The following TRARG1 variants were observed in gnomAD, a reference collection of about 807,000 sequenced individuals.
The protein encoded by TRARG1 is trafficking regulator of GLUT4 (SLC2A4) 1 (gene/pseudogene), also known as trafficking regulator of GLUT4 1.
A neutral mutation model predicts 13.3 loss-of-function variants in TRARG1; 16 were observed. That is an observed-to-expected ratio of 1.20 (90% CI 0.81 to 1.83). The LOEUF is 1.83. Ranked by LOEUF, TRARG1 falls within the 40% of genes most tolerant of loss-of-function variation. The probability of loss-of-function intolerance (pLI) is 0.00; values close to 1 mark genes in which losing one functional copy is unlikely to be tolerated. For synonymous variants in TRARG1, 113 were observed against 106.2 expected, an observed-to-expected ratio of 1.06 and a Z score of -0.39; for missense variants, 250 against 237.4, an observed-to-expected ratio of 1.05 and a Z score of -0.35.
At chr17:1,298,137 T>G (rs1158960230) in intron 2 of TRARG1, 114 bp from the exon 3 acceptor site, 1 of 1,308,182 alleles carries the variant, frequency 7.6e-7, no homozygotes, top group African/African-American at 1.5e-5. Flanking sequence ...CCTTCTCCCC[T>G]TATCCCTATT....
In TRARG1 at chr17:1,295,266, G is replaced by C. The variant is rs2072102526; in HGVS notation, c.388-225G>C. Among the ~76,000 whole-genome samples, 2 of 152,228 alleles carry C rather than the reference G, an allele frequency of 1.3e-5. 1 individual carries two copies. Among genetic ancestry groups the C allele is most frequent in the South Asian group, 4.1e-4 (2 of 4,830 alleles). ...GCTTTGCTGGGTTCTGCTCCCAGCTGTCCCCAGCTGGTGAGGGACAGGCGT... is the reference window on the plus strand; with the variant it reads ...GCTTTGCTGGGTTCTGCTCCCAGCTCTCCCCAGCTGGTGAGGGACAGGCGT... On this transcript the variant is annotated intron_variant, in intron 1 of 2. Coordinates refer to ENST00000333813, the MANE Select transcript of TRARG1 (RefSeq NM_172367.3).
chr17:1,289,503 G>A (rs373678706), intron 1 of TRARG1, among the ~76,000 whole-genome samples: 30 of 145,490 alleles, frequency 2.1e-4, no homozygotes, highest in Admixed American at 9.1e-4. Flanking sequence ...CAGCATTGCC[G>A]ATAGTTCCAT....
intron 2 of TRARG1, among the ~76,000 whole-genome samples, chr17:1,297,685 CCT>C (rs2072122447): frequency 6.7e-6 from 1 of 150,262 alleles, no homozygotes; most frequent in Admixed American, 6.7e-5. Flanking sequence ...CTCACTGCAA[CCT>C]CTGTCTCCCA....
rs544336969 is a variant in TRARG1 at position 1,282,721 on chromosome 17, G to C, written c.387+2333G>C. 1.1e-4 allele frequency among the ~76,000 whole-genome samples: 16 copies of C among 151,448 alleles called. No homozygotes were observed. The South Asian group carries it at 3.1e-3, about 30-fold the overall frequency. On this transcript the variant is annotated intron_variant, in intron 1 of 2. Coordinates refer to ENST00000333813, the MANE Select transcript of TRARG1 (RefSeq NM_172367.3). ...TTTGTTTTATTTGAAACGGAGCCTC[G>C]CTCTGTCGCCCAGGCTGGAGTGCAA...
At chr17:1,284,417 A>C (rs1041121174) in intron 1 of TRARG1, among the ~76,000 whole-genome samples, 1 of 152,174 alleles carries the variant, frequency 6.6e-6, no homozygotes, top group Admixed American at 6.6e-5. Context: ...TTGCTGGATC[A>C]GTCTGGGGCA....
rs555184764 is a variant in TRARG1, at chr17:1,279,898, C to A, written c.-104C>A. ...CGTCTCCTGAGGGACGCCCCTGCCC[C>A]CGACCTGGAGGCCCTCAGTCTGGGC... On this transcript the variant is annotated 5_prime_UTR_variant, in exon 1 of 3. Transcript: ENST00000333813. The A allele has an allele frequency of 1.8e-3, 2,544 of 1,399,754 alleles. 40 individuals carry two copies. In the South Asian group the frequency reaches 0.027, roughly 15 times the overall value. The allele number at this position is 1,399,754 out of a possible 1,614,324, so 86.7% of individuals were successfully genotyped here. A position where few individuals can be genotyped will look rare whatever the true frequency, so the allele number is the denominator to read the frequency against.
At position 1,280,109 on chromosome 17, in the gene TRARG1, G is replaced by A. The variant is rs753199331; in HGVS notation, c.108G>A (p.Lys36=). ...TACTCCTCACCAAGGCAGAGAACAAGGATGACAAGACCCTGAATCTGTCCA... is the reference window on the plus strand; with the variant it reads ...TACTCCTCACCAAGGCAGAGAACAAAGATGACAAGACCCTGAATCTGTCCA... ...MEILLTKAEN[K]DDKTLNLSKT... is the part of the protein sequence containing the mutation. Residue 36 remains lysine (K), a synonymous_variant, in exon 1 of 3, where the codon AAG becomes AAA. Coordinates refer to ENST00000333813, the MANE Select transcript of TRARG1 (RefSeq NM_172367.3). The A allele has an allele frequency of 1.2e-6, 2 of 1,613,800 alleles. No homozygotes were observed. Among genetic ancestry groups the A allele is most frequent in the Non-Finnish European group, 1.7e-6 (2 of 1,180,036 alleles).
chr17:1,296,630 G>C (rs1598196055), intron 2 of TRARG1, among the ~76,000 whole-genome samples: 3 of 151,792 alleles, frequency 2.0e-5, no homozygotes. Flanking sequence ...TCCTGTCTCA[G>C]CCTCTCGAGT....
Position 1,280,043 on chromosome 17 carries a change from G to T in TRARG1, c.42G>T (p.Glu14Asp), listed in dbSNP as rs1371809442. The change falls in exon 1 of 3, where the codon GAG (glutamate) becomes GAT (aspartate). Residue 14 changes from glutamate to aspartate, a missense_variant. Physicochemically the swap from Glu to Asp is conservative, Grantham distance 45 (BLOSUM62 2). Coordinates refer to ENST00000333813, the MANE Select transcript of TRARG1 (RefSeq NM_172367.3). ...AGTCCGAGTTTCCTTCAGCACAGGA[G>T]CCAGGCTCCGCCGCATTCCTGGACC... ...PVQSEFPSAQEPGSAAFLDLP... is the reference protein window; with the variant it reads ...PVQSEFPSAQDPGSAAFLDLP... 2 of 1,613,208 alleles carry T rather than the reference G, an allele frequency of 1.2e-6. No individual in the cohort carries two copies. Among genetic ancestry groups the T allele is most frequent in the African/African-American group, 1.3e-5 (1 of 74,946 alleles).
intron 1 of TRARG1, among the ~76,000 whole-genome samples, chr17:1,295,086 C>T (rs1186501666): frequency 6.6e-6 from 1 of 152,158 alleles, no homozygotes; most frequent in Non-Finnish European, 1.5e-5. Flanking sequence ...TCTTGGGATC[C>T]CAAAGCCGCT....
chr17:1,296,385 C>T (rs1359440684), intron 2 of TRARG1, among the ~76,000 whole-genome samples: 5 of 151,174 alleles, frequency 3.3e-5, no homozygotes, highest in South Asian at 2.1e-4. Context: ...TTAGTAGAGA[C>T]GGTTTCATCA....
intron 1 of TRARG1, among the ~76,000 whole-genome samples, chr17:1,291,062 T>C (rs9897658): frequency 0.44 from 65,998 of 151,672 alleles, 14,532 homozygotes; most frequent in South Asian, 0.52. Flanking sequence ...GGTGCCACCA[T>C]GCCCCGCTCA....
intron 1 of TRARG1, among the ~76,000 whole-genome samples, chr17:1,292,495 C>G (rs1031749252): frequency 4.6e-5 from 7 of 152,206 alleles, no homozygotes; most frequent in African/African-American, 1.7e-4. Context: ...CCCTGCCCAC[C>G]TCTGTGCCTC....
Position 1,280,222 on chromosome 17 carries a change from T to G in TRARG1, c.221T>G (p.Leu74Arg). ...TCCGAGGGGCACCTGGAGGCCCCAC[T>G]GCCTCGGTCCCCCTCCCGGGCCAGC... The part of the protein sequence containing the change: ...AISEGHLEAP[L>R]PRSPSRASSR... The change falls in exon 1 of 3, where the codon CTG becomes CGG. Residue 74 changes from leucine to arginine, a missense_variant. Transcript: ENST00000333813. 1 of 1,614,050 alleles carries G rather than the reference T, an allele frequency of 6.2e-7. No individual in the cohort carries two copies. The highest frequency in any genetic ancestry group is 1.1e-5 in the South Asian group (1 of 91,048).
rs372463560 is a variant in TRARG1, at chr17:1,295,526, C to G, written c.423C>G (p.Gly141=). 1 of 1,612,062 alleles carries G rather than the reference C, an allele frequency of 6.2e-7. No homozygotes were observed. Among genetic ancestry groups the G allele is most frequent in the Non-Finnish European group, 8.5e-7 (1 of 1,179,322 alleles). Residue 141 remains glycine (G), a synonymous_variant, in exon 2 of 3, where the codon GGC becomes GGG. Transcript: ENST00000333813. The part of the protein sequence containing the change: ...RSSMQQGNVD[G]ARRLGRLARL... ...GCATGCAACAGGGCAACGTGGACGG[C>G]GCCCGGAGGCTGGGCCGCCTGGCTC...
At chr17:1,287,316 G>C (rs1490569447) in intron 1 of TRARG1, among the ~76,000 whole-genome samples, 1 of 151,900 alleles carries the variant, frequency 6.6e-6, no homozygotes, top group African/African-American at 2.4e-5. Flanking sequence ...CTAAATGTTA[G>C]GTACAGTTCC....
intron 1 of TRARG1, among the ~76,000 whole-genome samples, chr17:1,286,432 T>C (rs1161690637): frequency 7.6e-6 from 1 of 131,470 alleles, no homozygotes; most frequent in African/African-American, 3.5e-5. Flanking sequence ...CTGTGGGGTG[T>C]TGTTGTCGGC....
At chr17:1,282,221 C>CATATAT (rs1567928173) in intron 1 of TRARG1, among the ~76,000 whole-genome samples, 2 of 91,548 alleles carry the variant, frequency 2.2e-5, no homozygotes, top group African/African-American at 9.6e-5. Flanking sequence ...TACGTATACA[C>CATATAT]GTGCGTATAT....
Position 1,280,073 on chromosome 17 carries a change from G to A in TRARG1, c.72G>A (p.Pro24=), listed in dbSNP as rs546383761. The stretch of plus-strand genomic sequence containing the variant: ...GCTCCGCCGCATTCCTGGACCTGCC[G>A]GAGATGGAGATACTCCTCACCAAGG... ...EPGSAAFLDL[P]EMEILLTKAE... Residue 24 remains proline, a synonymous_variant, in exon 1 of 3, where the codon CCG becomes CCA. Transcript: ENST00000333813. 5.6e-5 allele frequency: 91 copies of A among 1,613,556 alleles called. No individual in the cohort carries two copies. In the South Asian group the frequency reaches 7.4e-4, roughly 13 times the overall value.
Sources: allele counts gnomAD v4.1 joint callset (sites outside exome capture counted in the v4.1 genomes callset), GRCh38; gene constraint gnomAD v4.1.1; transcripts MANE v1.5; gene names NCBI Gene and HGNC (gene_info 2026-07-23, HGNC 2026-07-21).